The following ZNF337 variants were observed in gnomAD, a reference collection of about 807,000 sequenced individuals.
ZNF337 encodes zinc finger protein 337.
ZNF337 carries 8 observed loss-of-function variants against 12.1 expected under a neutral mutation model. The observed-to-expected ratio is 0.66, with a 90% CI of 0.39 to 1.19. The LOEUF is 1.19. Among genes scored for constraint, ZNF337 ranks in the 50% most tolerant of loss-of-function variants. ZNF337 has a pLI of 0.01. For missense variants in ZNF337, 882 were observed against 896.6 expected, an observed-to-expected ratio of 0.98 and a Z score of 0.21; for synonymous variants, 336 against 320.0, an observed-to-expected ratio of 1.05 and a Z score of -0.53.
chr20:25,675,212 T>C lies in ZNF337; in HGVS notation c.2076A>G (p.Arg692=). The C allele has an allele frequency of 6.2e-7, 1 of 1,614,262 alleles. No individual in the cohort carries two copies. The highest frequency in any genetic ancestry group is 8.5e-7 in the Non-Finnish European group (1 of 1,180,048). ...EKPFVCQECK[R]GYTSKSDLTV... is the part of the protein sequence containing the mutation. ...TGAGGTCTGACTTACTGGTATAGCCTCGCTTACACTCCTGGCAAACAAAAG... is the reference window on the plus strand; with the variant it reads ...TGAGGTCTGACTTACTGGTATAGCCCCGCTTACACTCCTGGCAAACAAAAG... Residue 692 remains arginine, a synonymous_variant, in exon 5 of 5, where the codon CGA becomes CGG. Transcript: ENST00000252979.
chr20:25,678,633 G>A (rs930132440), intron 4 of ZNF337, among the ~76,000 whole-genome samples: 6 of 152,116 alleles, frequency 3.9e-5, no homozygotes, highest in Non-Finnish European at 5.9e-5. Flanking sequence ...TGTCATCAAA[G>A]CAGCATGGTA....
At chr20:25,695,616 A>AC (rs2065916105) in intron 1 of ZNF337, among the ~76,000 whole-genome samples, 1 of 152,202 alleles carries the variant, frequency 6.6e-6, no homozygotes, top group South Asian at 2.1e-4. Flanking sequence ...AGTGCAGCCA[A>AC]CATAGCTGGT....
At chr20:25,685,936 C>G in intron 3 of ZNF337, 60 bp downstream of exon 3, 1 of 1,569,162 alleles carries the variant, frequency 6.4e-7, no homozygotes, top group South Asian at 1.2e-5. Context: ...GAACCTAACC[C>G]TATGGCAACA....
In ZNF337 at chr20:25,685,208, AAAAAC is replaced by A. The variant is rs199610962; in HGVS notation, c.250+354_250+358del. On this transcript the variant is annotated intron_variant, in intron 4 of 4. Coordinates refer to ENST00000252979, the MANE Select transcript of ZNF337 (RefSeq NM_015655.4). The stretch of plus-strand genomic sequence containing the variant: ...ATTTACTTACACAGAAAAATAATTA[AAAAAC>A]AAAACAAAACAAAACAAAAAGAAGC... Among the ~76,000 whole-genome samples, 49 of 152,272 alleles carry A rather than the reference AAAAAC, an allele frequency of 3.2e-4. 1 individual carries two copies. The highest frequency in any genetic ancestry group is 1.0e-3 in the African/African-American group (42 of 41,532).
intron 1 of ZNF337, among the ~76,000 whole-genome samples, chr20:25,690,698 C>T (rs2065876175): frequency 6.6e-6 from 1 of 152,130 alleles, no homozygotes; most frequent in Admixed American, 6.5e-5. Context: ...AGGAGAGACT[C>T]TTGGGACAAA....
intron 4 of ZNF337, chr20:25,677,907 A>G (rs1180726212): frequency 6.6e-6 from 1 of 152,170 alleles, no homozygotes; most frequent in Admixed American, 6.6e-5. Flanking sequence ...TAATATAGAC[A>G]ATATGTTCCA....
chr20:25,677,285 C>T, intron 4 of ZNF337: 3 of 413,118 alleles, frequency 7.3e-6, no homozygotes, highest in Non-Finnish European at 1.3e-5. Flanking sequence ...CAGAGAACTA[C>T]AGGCCAATAT....
intron 4 of ZNF337, 104 bp downstream of exon 4, chr20:25,685,463 C>G: frequency 1.1e-6 from 1 of 913,500 alleles, no homozygotes; most frequent in Non-Finnish European, 1.7e-6. Context: ...GAAGAGCAGC[C>G]AAGGAGGCCA....
intron 4 of ZNF337, among the ~76,000 whole-genome samples, chr20:25,685,022 T>G (rs1235958432): frequency 2.0e-5 from 3 of 151,626 alleles, no homozygotes; most frequent in Non-Finnish European, 4.4e-5. Context: ...AAACACCTAA[T>G]GTAAATGACG....
rs1168279672 is a variant in ZNF337 at position 25,674,629 on chromosome 20, T to A, written c.*403A>T. ...AGGGAAAGTGCAAGAGGAGGTTTGG[T>A]GGAGGTGTCCTAGATTGTTTGCAGT... On this transcript the variant is annotated 3_prime_UTR_variant, in exon 5 of 5. Transcript: ENST00000252979. 5.7e-6 allele frequency: 1 copy of A among 175,626 alleles called. No individual in the cohort carries two copies. Among genetic ancestry groups the A allele is most frequent in the African/African-American group, 2.4e-5 (1 of 42,086 alleles). The allele number at this position is 175,626 out of a possible 1,614,324, so 10.9% of individuals were successfully genotyped here. A position where few individuals can be genotyped will look rare whatever the true frequency, so the allele number is the denominator to read the frequency against.
chr20:25,679,155 C>A (rs937005415), intron 4 of ZNF337, among the ~76,000 whole-genome samples: 3 of 152,024 alleles, frequency 2.0e-5, no homozygotes, highest in African/African-American at 7.2e-5. Flanking sequence ...TCATACTATA[C>A]AAAAATAAAC....
intron 4 of ZNF337, among the ~76,000 whole-genome samples, chr20:25,685,071 C>T (rs1314527444): frequency 1.3e-5 from 2 of 150,522 alleles, no homozygotes; most frequent in Admixed American, 6.6e-5. Flanking sequence ...CACATGTATA[C>T]CTATGTAACA....
Position 25,675,194 on chromosome 20 carries a change from T to G in ZNF337, c.2094A>C (p.Ser698=). The change falls in exon 5 of 5, where the codon TCA becomes TCC. Residue 698 remains serine, a synonymous_variant. Coordinates refer to ENST00000252979, the MANE Select transcript of ZNF337 (RefSeq NM_015655.4). ...QECKRGYTSK[S]DLTVHERIHT... ...GTATTCTTTCATGCACAGTGAGGTC[T>G]GACTTACTGGTATAGCCTCGCTTAC... is the stretch of plus-strand genomic sequence containing the variant. 6.2e-7 allele frequency: 1 copy of G among 1,614,272 alleles called. No individual in the cohort carries two copies. Among genetic ancestry groups the G allele is most frequent in the Non-Finnish European group, 8.5e-7 (1 of 1,180,048 alleles).
Position 25,675,953 on chromosome 20 carries a change from TGAC to T in ZNF337, c.1332_1334del (p.Ser445del), listed in dbSNP as rs2065679354. On this transcript the variant is annotated inframe_deletion, in exon 5 of 5. Transcript: ENST00000252979. The stretch of plus-strand genomic sequence containing the variant: ...GTGTGATCTGATGTTTCACAAGGGT[TGAC>T]TTCTGAATAAATCCTTGCCCACATT... 1.2e-6 allele frequency: 2 copies of T among 1,613,184 alleles called. No homozygotes were observed. Among genetic ancestry groups the T allele is most frequent in the Non-Finnish European group, 1.7e-6 (2 of 1,179,774 alleles).
chr20:25,690,834 C>T (rs1411935513), intron 1 of ZNF337, among the ~76,000 whole-genome samples: 1 of 152,078 alleles, frequency 6.6e-6, no homozygotes, highest in Admixed American at 6.6e-5. Flanking sequence ...AAGCTTAGAA[C>T]GAATACCAAG....
chr20:25,692,011 GAA>G (rs2065885733), intron 1 of ZNF337, among the ~76,000 whole-genome samples: 2 of 152,102 alleles, frequency 1.3e-5, no homozygotes, highest in Non-Finnish European at 2.9e-5. Flanking sequence ...CTGGCAGGCA[GAA>G]GGAAGGAAGG....
rs1293978764 is a variant in ZNF337, at chr20:25,696,463, G to A, written c.-50+296C>T. ...GCGACCCTGGCACAAGAGGACCTGG[G>A]TTGCTCGGCGCCCCTGTGAAATCCG... is the stretch of plus-strand genomic sequence containing the variant. On this transcript the variant is annotated intron_variant, in intron 1 of 4. Coordinates refer to ENST00000252979, the MANE Select transcript of ZNF337 (RefSeq NM_015655.4). Among the ~76,000 whole-genome samples the A allele has an allele frequency of 2.0e-5, 3 of 152,180 alleles. No individual in the cohort carries two copies. The East Asian group carries it at 5.8e-4, about 29-fold the overall frequency.
intron 4 of ZNF337, chr20:25,681,310 C>G (rs1043400947): frequency 3.9e-5 from 6 of 152,156 alleles, no homozygotes; most frequent in African/African-American, 1.4e-4. Context: ...CCCTTCCCAC[C>G]TATGTAAACT....
rs953422638 is a variant in ZNF337, at chr20:25,675,420, G to C, written c.1868C>G (p.Ser623Cys). 3 of 1,613,350 alleles carry C rather than the reference G, an allele frequency of 1.9e-6. No homozygotes were observed. Among genetic ancestry groups the C allele is most frequent in the African/African-American group, 1.3e-5 (1 of 74,748 alleles). The change falls in exon 5 of 5, where the codon TCT becomes TGT. Residue 623 changes from serine (S) to cysteine (C), a missense_variant. By Grantham distance (112) the Ser-to-Cys change is moderately radical. Coordinates refer to ENST00000252979, the MANE Select transcript of ZNF337 (RefSeq NM_015655.4). The part of the protein sequence containing the change: ...SNLVKHQLAH[S>C]GKQPFVCKEC... ...CTTGCATACAAAAGGCTGCTTGCCA[G>C]AATGTGCAAGCTGGTGTTTCACAAG... is the stretch of plus-strand genomic sequence containing the variant.
Sources: allele counts gnomAD v4.1 joint callset (sites outside exome capture counted in the v4.1 genomes callset), GRCh38; gene constraint gnomAD v4.1.1; transcripts MANE v1.5; gene names NCBI Gene and HGNC (gene_info 2026-07-23, HGNC 2026-07-21).